Variants in WDFY3 observed in about 807,000 individuals in gnomAD.
The protein encoded by WDFY3 is WD repeat and FYVE domain containing 3.
In WDFY3, 66 loss-of-function variants were observed where a neutral mutation model predicts 409.6. The ratio of observed to expected loss-of-function variants is 0.16; its 90% confidence interval spans 0.13 to 0.20. The LOEUF is 0.20. Among genes scored for constraint, WDFY3 ranks in the 10% least tolerant of loss-of-function variants. WDFY3 has a pLI of 1.00. For missense variants in WDFY3, 3,031 were observed against 4,298.1 expected, an observed-to-expected ratio of 0.71 and a Z score of 8.24; for synonymous variants, 1,521 against 1,537.1, an observed-to-expected ratio of 0.99 and a Z score of 0.25.
intron 13 of WDFY3, among the ~76,000 whole-genome samples, chr4:84,814,661 T>C (rs1232811594): frequency 6.6e-6 from 1 of 152,138 alleles, no homozygotes; most frequent in African/African-American, 2.4e-5. Context: ...CCAGTCCCTG[T>C]GTTCAAGTAA....
intron 36 of WDFY3, among the ~76,000 whole-genome samples, chr4:84,748,016 C>T (rs889457190): frequency 5.3e-5 from 8 of 151,830 alleles, no homozygotes; most frequent in South Asian, 2.1e-4. Flanking sequence ...AAGTCAGCAC[C>T]CTCTCAGTTT....
chr4:84,739,310 T>A, intron 39 of WDFY3, 191 bp from the exon 40 acceptor site: 1 of 568,662 alleles, frequency 1.8e-6, no homozygotes, highest in Non-Finnish European at 3.1e-6. Context: ...CCTGACTAAA[T>A]GTAATTAGAC....
At chr4:84,787,741 G>C in intron 22 of WDFY3, 28 bp from the exon 23 acceptor site, 2 of 1,568,136 alleles carry the variant, frequency 1.3e-6, no homozygotes, top group Non-Finnish European at 1.8e-6. Flanking sequence ...GCAAATGTGT[G>C]AGATGTGAAC....
chr4:84,761,919 T>C (rs1013928333), intron 32 of WDFY3, among the ~76,000 whole-genome samples: 2 of 152,094 alleles, frequency 1.3e-5, no homozygotes, highest in Non-Finnish European at 2.9e-5. Flanking sequence ...TGAGATATCA[T>C]CTCACACCAG....
chr4:84,954,780 T>C (rs560823564), intron 1 of WDFY3, among the ~76,000 whole-genome samples: 86 of 152,358 alleles, frequency 5.6e-4, no homozygotes, highest in South Asian at 8.3e-4. Flanking sequence ...TAATGTTTTA[T>C]AGCTGCTTAT....
chr4:84,736,487 T>C (rs1737449997), intron 41 of WDFY3, among the ~76,000 whole-genome samples, 160 bp from the exon 42 acceptor site: 1 of 152,226 alleles, frequency 6.6e-6, no homozygotes, highest in Non-Finnish European at 1.5e-5. Context: ...ATTTATTTAT[T>C]GGTAATCTTA....
intron 2 of WDFY3, among the ~76,000 whole-genome samples, chr4:84,909,789 A>C (rs1767526450): frequency 6.6e-6 from 1 of 152,166 alleles, no homozygotes; most frequent in African/African-American, 2.4e-5. Flanking sequence ...CAAGCAAGAC[A>C]AATATTTTCT....
chr4:84,835,812 T>C (rs956155574), intron 7 of WDFY3, among the ~76,000 whole-genome samples: 1 of 152,182 alleles, frequency 6.6e-6, no homozygotes, highest in East Asian at 1.9e-4. Context: ...GTAGTGGTGA[T>C]GGTGGCAGTG....
chr4:84,846,248 C>T (rs1410266171), intron 5 of WDFY3, among the ~76,000 whole-genome samples: 1 of 151,960 alleles, frequency 6.6e-6, no homozygotes, highest in African/African-American at 2.4e-5. Flanking sequence ...AAAAATGTAT[C>T]TTAAAAAATC....
intron 44 of WDFY3, among the ~76,000 whole-genome samples, chr4:84,733,131 CAG>C (rs1438111721): frequency 6.6e-6 from 1 of 152,134 alleles, no homozygotes; most frequent in Non-Finnish European, 1.5e-5. Context: ...AGCAAAGTGG[CAG>C]AGTCAGGTCT....
At chr4:84,800,569 T>C (rs534740244) in intron 17 of WDFY3, among the ~76,000 whole-genome samples, 1 of 152,308 alleles carries the variant, frequency 6.6e-6, no homozygotes, top group East Asian at 1.9e-4. Context: ...GCAATATGAT[T>C]AGTGAAGAGA....
chr4:84,717,101 A>C, intron 48 of WDFY3, 85 bp from the exon 49 acceptor site: 2 of 1,386,598 alleles, frequency 1.4e-6, no homozygotes. Flanking sequence ...AATTTTAAAC[A>C]CATGAACAGG....
In WDFY3 at chr4:84,905,712, C is replaced by T. The variant is rs138382611; in HGVS notation, c.-131-8702G>A. Among the ~76,000 whole-genome samples the T allele has an allele frequency of 5.6e-3, 848 of 152,248 alleles. 9 individuals carry two copies. Among genetic ancestry groups the T allele is most frequent in the South Asian group, 0.044 (211 of 4,824 alleles). ...GGCTTTCAGTGTGTTTAATAAAAGC[C>T]ATACTCCTTACCATGGCCCTTTAAA... is the stretch of plus-strand genomic sequence containing the variant. On this transcript the variant is annotated intron_variant, in intron 2 of 67. Transcript: ENST00000295888.
At chr4:84,682,604 C>T (rs961289046) in intron 63 of WDFY3, 134 bp from the exon 64 acceptor site, 8 of 735,468 alleles carry the variant, frequency 1.1e-5, no homozygotes, top group East Asian at 2.7e-5. Flanking sequence ...TTAGATTTCC[C>T]GTATCTTGGA....
chr4:84,679,008 T>C lies in WDFY3; in HGVS notation c.10058A>G (p.Glu3353Gly). 6.2e-7 allele frequency: 1 copy of C among 1,614,216 alleles called. No individual in the cohort carries two copies. The highest frequency in any genetic ancestry group is 1.1e-5 in the South Asian group (1 of 91,076). Residue 3353 changes from glutamate to glycine, a missense_variant, in exon 65 of 68, where the codon GAG (glutamate) becomes GGG (glycine). This residue lies in a region of WDFY3 where 378 missense variants were observed against 477.3 expected (regional missense o/e 0.79). Transcript: ENST00000295888. ...KDGFIFVNYS[E>G]GQTRAHLQGP... ...CTGCAGATGGGCTCTGGTCTGGCCC[T>C]CTGAATAGTTCACAAATATGAAGCC... is the stretch of plus-strand genomic sequence containing the variant.
intron 3 of WDFY3, among the ~76,000 whole-genome samples, chr4:84,861,968 T>C (rs932519552): frequency 1.3e-5 from 2 of 152,228 alleles, no homozygotes; most frequent in East Asian, 1.9e-4. Context: ...TTTTAATCCA[T>C]AGAAAAGCAG....
intron 32 of WDFY3, 109 bp from the exon 33 acceptor site, chr4:84,757,270 A>G: frequency 2.2e-6 from 2 of 930,170 alleles, no homozygotes; most frequent in Non-Finnish European, 3.3e-6. Flanking sequence ...TATCCAGAAC[A>G]TTCATACTAC....
chr4:84,806,122 T>C (rs1269626540), intron 15 of WDFY3, among the ~76,000 whole-genome samples: 1 of 152,188 alleles, frequency 6.6e-6, no homozygotes, highest in African/African-American at 2.4e-5. Flanking sequence ...CAAAACAGTA[T>C]GTTTTGCTAC....
intron 25 of WDFY3, 86 bp downstream of exon 25, chr4:84,782,877 T>C: frequency 8.2e-7 from 1 of 1,221,824 alleles, no homozygotes; most frequent in South Asian, 1.3e-5. Flanking sequence ...AATATGAACT[T>C]AAATACTGCC....
Sources: gnomAD v4.1 joint callset for allele counts (sites outside exome capture counted in the v4.1 genomes callset) on GRCh38, gnomAD v4.1.1 for gene constraint, gnomAD v4.1.1 regional missense constraint, MANE v1.5 for transcripts, NCBI Gene and HGNC (gene_info 2026-07-23, HGNC 2026-07-21) for gene names.